DCC: variants seen among roughly 807,000 people sequenced by gnomAD.
DCC encodes the protein DCC netrin 1 receptor, also known as netrin receptor DCC.
Under a neutral mutation model 172.5 loss-of-function variants are expected in DCC, and 58 were observed. The observed-to-expected ratio is 0.34, with a 90% CI of 0.27 to 0.42. DCC has a LOEUF of 0.42. Ranked by LOEUF, DCC falls within the 10% of genes least tolerant of loss-of-function variation. The pLI, the probability that DCC is intolerant of heterozygous loss-of-function variation, is 1.00. For missense variants in DCC, 1,740 were observed against 1,791.0 expected, an observed-to-expected ratio of 0.97 and a Z score of 0.51; for synonymous variants, 709 against 644.5, an observed-to-expected ratio of 1.10 and a Z score of -1.52.
chr18:52,956,055 G>T (rs550571444), intron 5 of DCC, among the ~76,000 whole-genome samples: 2 of 151,810 alleles, frequency 1.3e-5, no homozygotes, highest in South Asian at 2.1e-4. Flanking sequence ...CAGAACAGAG[G>T]TTTTTAATTT....
chr18:52,857,123 TA>T (rs1181430543), intron 2 of DCC, among the ~76,000 whole-genome samples: 1 of 152,118 alleles, frequency 6.6e-6, no homozygotes, highest in Non-Finnish European at 1.5e-5. Flanking sequence ...AAAAAAATGG[TA>T]AAAAAATAAT....
At chr18:53,499,746 T>C (rs986210917) in intron 27 of DCC, among the ~76,000 whole-genome samples, 4 of 152,164 alleles carry the variant, frequency 2.6e-5, no homozygotes, top group Non-Finnish European at 4.4e-5. Flanking sequence ...CCATGAATCC[T>C]GGAAGCCAGT....
At chr18:52,844,351 T>G (rs564856874) in intron 2 of DCC, among the ~76,000 whole-genome samples, 1 of 141,984 alleles carries the variant, frequency 7.0e-6, no homozygotes. Context: ...TAGATAGATA[T>G]AGATGTGAGC....
chr18:53,508,842 G>C (rs543275042), intron 27 of DCC, among the ~76,000 whole-genome samples: 1 of 152,296 alleles, frequency 6.6e-6, no homozygotes, highest in African/African-American at 2.4e-5. Flanking sequence ...CTTTCATTTG[G>C]ACAGGGCTTG....
At chr18:52,772,612 C>T (rs889682841) in intron 2 of DCC, among the ~76,000 whole-genome samples, 1 of 152,268 alleles carries the variant, frequency 6.6e-6, no homozygotes, top group South Asian at 2.1e-4. Flanking sequence ...TGTATTTTCT[C>T]CTTAAAGAAA....
intron 1 of DCC, among the ~76,000 whole-genome samples, chr18:52,621,995 A>C (rs2034489421): frequency 6.6e-6 from 1 of 152,236 alleles, no homozygotes; most frequent in Non-Finnish European, 1.5e-5. Context: ...TTATTTACTA[A>C]TAATAAGAAT....
intron 12 of DCC, among the ~76,000 whole-genome samples, chr18:53,299,061 ATTC>A (rs1390371615): frequency 6.6e-6 from 1 of 152,168 alleles, no homozygotes; most frequent in Non-Finnish European, 1.5e-5. Flanking sequence ...AACCATGACT[ATTC>A]TTTTAATTCT....
At chr18:52,388,515 T>C (rs1420438484) in intron 1 of DCC, among the ~76,000 whole-genome samples, 3 of 152,100 alleles carry the variant, frequency 2.0e-5, no homozygotes, top group Non-Finnish European at 4.4e-5. Flanking sequence ...CACTTTTTTT[T>C]TTCCCCACGG....
In DCC at chr18:53,530,580, A is replaced by T. The variant is rs779526595; in HGVS notation, c.4271A>T (p.Asp1424Val). 1.9e-6 allele frequency: 3 copies of T among 1,576,268 alleles called. No homozygotes were observed. In the South Asian group the frequency reaches 3.3e-5, roughly 17 times the overall value. Reference sequence around the variant, plus strand: ...TCTTTATAGGTGTATGAACAGGATGATCTGAGTGAACAAATGGCAAGTTTG... The same window carrying T: ...TCTTTATAGGTGTATGAACAGGATGTTCTGAGTGAACAAATGGCAAGTTTG... ...EDSANVYEQD[D>V]LSEQMASLEG... The change falls in exon 29 of 29, where the codon GAT (aspartate) becomes GTT (valine). Residue 1424 changes from aspartate (D) to valine (V), a missense_variant. Around this residue, in one of 2 missense-constraint regions of DCC, gnomAD observed 1,732 missense variants for 1,767.4 expected, o/e 0.98. Transcript: ENST00000442544.
chr18:52,429,407 G>A (rs1395671291), intron 1 of DCC, among the ~76,000 whole-genome samples: 2 of 151,920 alleles, frequency 1.3e-5, no homozygotes, highest in African/African-American at 4.8e-5. Context: ...AAAAACATCT[G>A]CTGCTTTTTA....
At chr18:52,757,353 T>C (rs1305493494) in intron 2 of DCC, 2 of 152,192 alleles carry the variant, frequency 1.3e-5, no homozygotes, top group East Asian at 3.8e-4. Flanking sequence ...TTAACACAAC[T>C]GGTACCCTCC....
chr18:52,978,750 C>T (rs1331729479), intron 5 of DCC, among the ~76,000 whole-genome samples: 1 of 152,172 alleles, frequency 6.6e-6, no homozygotes, highest in Non-Finnish European at 1.5e-5. Flanking sequence ...AGTCTCCTAT[C>T]CATTGTATCA....
chr18:52,823,302 A>G (rs1284484551), intron 2 of DCC, among the ~76,000 whole-genome samples: 1 of 152,176 alleles, frequency 6.6e-6, no homozygotes. Context: ...CTGTCTCTCA[A>G]AAGAAAACAT....
intron 1 of DCC, among the ~76,000 whole-genome samples, chr18:52,481,114 C>T (rs2029941464): frequency 6.6e-6 from 1 of 152,138 alleles, no homozygotes; most frequent in Non-Finnish European, 1.5e-5. Flanking sequence ...CTAAAGAAAG[C>T]AAACATACTT....
At chr18:53,388,497 C>T (rs902965873) in intron 16 of DCC, among the ~76,000 whole-genome samples, 1 of 152,218 alleles carries the variant, frequency 6.6e-6, no homozygotes, top group African/African-American at 2.4e-5. Flanking sequence ...GTTTTCTGCA[C>T]ACATGTGCTC....
chr18:53,224,948 C>A (rs996129756), intron 12 of DCC, among the ~76,000 whole-genome samples: 3 of 152,030 alleles, frequency 2.0e-5, no homozygotes, highest in Non-Finnish European at 4.4e-5. Context: ...ATATTGATAA[C>A]ACTTAGGGAG....
At chr18:52,416,372 G>A (rs1048626794) in intron 1 of DCC, among the ~76,000 whole-genome samples, 3 of 152,048 alleles carry the variant, frequency 2.0e-5, no homozygotes, top group African/African-American at 4.8e-5. Flanking sequence ...GGAGAGTTCT[G>A]TAGATGTCTA....
At chr18:53,359,375 T>C (rs1457072223) in intron 15 of DCC, among the ~76,000 whole-genome samples, 14 of 152,202 alleles carry the variant, frequency 9.2e-5, no homozygotes, top group Admixed American at 9.2e-4. Context: ...CTACCCTTTA[T>C]TATCTTTCTT....
intron 9 of DCC, among the ~76,000 whole-genome samples, chr18:53,185,428 C>G (rs1444421111): frequency 6.6e-6 from 1 of 152,208 alleles, no homozygotes; most frequent in East Asian, 1.9e-4. Context: ...AGTACAGTAA[C>G]CACAAGCCAC....
Sources: allele counts gnomAD v4.1 joint callset (sites outside exome capture counted in the v4.1 genomes callset), GRCh38; gene constraint gnomAD v4.1.1; regional missense constraint gnomAD v4.1.1; transcripts MANE v1.5; gene names NCBI Gene and HGNC (gene_info 2026-07-23, HGNC 2026-07-21).